Variants in TBCK observed in about 807,000 individuals in gnomAD.
The protein encoded by TBCK is TBC domain-containing protein kinase-like protein.
Under a neutral mutation model 113.4 loss-of-function variants are expected in TBCK, and 99 were observed. The ratio of observed to expected loss-of-function variants is 0.87; its 90% confidence interval spans 0.74 to 1.03. TBCK has a LOEUF of 1.03. Ranked by LOEUF, TBCK falls within the 50% of genes least tolerant of loss-of-function variation. The pLI is 0.00. For synonymous variants in TBCK, 369 were observed against 370.8 expected, an observed-to-expected ratio of 1.00 and a Z score of 0.05; for missense variants, 1,045 against 1,061.3, an observed-to-expected ratio of 0.98 and a Z score of 0.21.
Position 106,189,444 on chromosome 4 carries a change from G to C in TBCK, c.2059+4165C>G, listed in dbSNP as rs190378252. On this transcript the variant is annotated intron_variant, in intron 22 of 25. Transcript: ENST00000394708. ...TAATTAATTCTCAGCTTCAGGTAAA[G>C]TGGCATCAATCTTACAGGCTTGACA... is the stretch of plus-strand genomic sequence containing the variant. Among the ~76,000 whole-genome samples, 4 of 151,766 alleles carry C rather than the reference G, an allele frequency of 2.6e-5. No individual in the cohort carries two copies. In the East Asian group the frequency reaches 7.8e-4, roughly 30 times the overall value.
intron 25 of TBCK, among the ~76,000 whole-genome samples, chr4:106,087,780 T>C (rs1739687022): frequency 6.6e-6 from 1 of 152,070 alleles, no homozygotes; most frequent in African/African-American, 2.4e-5. Context: ...AACAGAGATC[T>C]CAGAAATAAT....
At chr4:106,275,155 C>T (rs538411517) in intron 3 of TBCK, among the ~76,000 whole-genome samples, 1 of 152,232 alleles carries the variant, frequency 6.6e-6, no homozygotes, top group East Asian at 1.9e-4. Context: ...AAGCAATTTA[C>T]ATATTCATTA....
intron 23 of TBCK, chr4:106,163,412 TC>T (rs1750013171): frequency 6.6e-6 from 1 of 152,278 alleles, no homozygotes; most frequent in African/African-American, 2.4e-5. Flanking sequence ...GTTATCCAGT[TC>T]CAAAATCACT....
rs925608652 is a variant in TBCK at position 106,214,533 on chromosome 4, G to A, written c.1775-1698C>T. 3.9e-5 allele frequency among the ~76,000 whole-genome samples: 6 copies of A among 151,994 alleles called. No homozygotes were observed. In the East Asian group the frequency reaches 1.2e-3, roughly 29 times the overall value. On this transcript the variant is annotated intron_variant, in intron 19 of 25. Transcript: ENST00000394708. ...AGAAGTGCTTAAAGGAGCTGATGGA[G>A]CTGAAAACCAAGGCTCGAGAACTAT...
At position 106,042,916 on chromosome 4, in the gene TBCK, A is replaced by C. The variant is rs1164023845; in HGVS notation, c.*3654T>G. 6.6e-6 allele frequency: 1 copy of C among 152,084 alleles called. No homozygotes were observed. The highest frequency in any genetic ancestry group is 1.9e-4 in the East Asian group (1 of 5,178). The allele number at this position is 152,084 out of a possible 1,614,324, so 9.4% of individuals were successfully genotyped here. A position where few individuals can be genotyped will look rare whatever the true frequency, so the allele number is the denominator to read the frequency against. ...GACAATCTCCTCTGTAGCTTCCCTA[A>C]TTTGGCGGGAAGTTATGTCTTGTCA... On this transcript the variant is annotated 3_prime_UTR_variant, in exon 26 of 26. Transcript: ENST00000394708.
At chr4:106,103,612 A>C (rs1741800251) in intron 24 of TBCK, among the ~76,000 whole-genome samples, 2 of 152,202 alleles carry the variant, frequency 1.3e-5, no homozygotes, top group South Asian at 4.1e-4. Flanking sequence ...TAACAACAGT[A>C]TATACAGCAT....
intron 6 of TBCK, chr4:106,251,057 G>T: frequency 4.0e-6 from 1 of 250,812 alleles, no homozygotes; most frequent in South Asian, 4.2e-5. Flanking sequence ...TTAGTATAAG[G>T]TCTGGAGTCA....
upstream of TBCK, chr4:106,316,594 T>A: frequency 1.3e-6 from 2 of 1,551,506 alleles, no homozygotes; most frequent in Non-Finnish European, 1.7e-6. Flanking sequence ...CTCCGCTTCA[T>A]GTGAGTGACG....
At chr4:106,263,374 T>C (rs1413119882) in intron 3 of TBCK, among the ~76,000 whole-genome samples, 1 of 151,832 alleles carries the variant, frequency 6.6e-6, no homozygotes, top group East Asian at 1.9e-4. Context: ...AATTCACCAA[T>C]TAAAACATAA....
At chr4:106,090,696 C>A (rs1740119754) in intron 25 of TBCK, among the ~76,000 whole-genome samples, 1 of 151,706 alleles carries the variant, frequency 6.6e-6, no homozygotes, top group Non-Finnish European at 1.5e-5. Context: ...TTTTTTTCTG[C>A]CAGGTATCTT....
chr4:106,113,986 G>A (rs1382237356), intron 24 of TBCK, among the ~76,000 whole-genome samples: 1 of 152,156 alleles, frequency 6.6e-6, no homozygotes, highest in Non-Finnish European at 1.5e-5. Context: ...ATTGGACTAA[G>A]ATGCCAAGTA....
Position 106,138,627 on chromosome 4 carries a change from G to C in TBCK, c.2236-22249C>G, listed in dbSNP as rs1317595889. The stretch of plus-strand genomic sequence containing the variant: ...GAACTCTAGTGTCACTGACTTATAA[G>C]GCAAAAACAGGGTCAAAGTGGCAAT... On this transcript the variant is annotated intron_variant, in intron 23 of 25. Coordinates refer to ENST00000394708, the MANE Select transcript of TBCK (RefSeq NM_001163435.3). Among the ~76,000 whole-genome samples, 2 of 141,236 alleles carry C rather than the reference G, an allele frequency of 1.4e-5. 1 individual carries two copies. The highest frequency in any genetic ancestry group is 4.0e-4 in the East Asian group (2 of 4,960). 92.7% of individuals were successfully genotyped at this position (141,236 alleles called of 152,430 possible). A position where few individuals can be genotyped will look rare whatever the true frequency, so the allele number is the denominator to read the frequency against.
chr4:106,294,257 G>A (rs536628506), intron 3 of TBCK, among the ~76,000 whole-genome samples: 5 of 150,692 alleles, frequency 3.3e-5, no homozygotes, highest in South Asian at 2.1e-4. Flanking sequence ...GTGGCGCATC[G>A]CGGCTCACCA....
intron 23 of TBCK, among the ~76,000 whole-genome samples, chr4:106,166,994 T>C (rs919698663): frequency 1.3e-4 from 20 of 150,662 alleles, no homozygotes; most frequent in African/African-American, 4.8e-4. Flanking sequence ...GTCTACCTAC[T>C]CTTAAACTAG....
rs534864426 is a variant in TBCK at position 106,096,292 on chromosome 4, C to T, written c.2412-651G>A. Among the ~76,000 whole-genome samples the T allele has an allele frequency of 3.5e-4, 53 of 152,168 alleles. No homozygotes were observed. In the South Asian group the frequency reaches 5.0e-3, roughly 14 times the overall value. On this transcript the variant is annotated intron_variant, in intron 24 of 25. Coordinates refer to ENST00000394708, the MANE Select transcript of TBCK (RefSeq NM_001163435.3). ...TCAGAATATAATTACTCTGATGGTA[C>T]TTTTTTAAAAAACTGAAAGTACTTT...
chr4:106,267,645 C>T (rs1763109426), intron 3 of TBCK, among the ~76,000 whole-genome samples: 1 of 151,908 alleles, frequency 6.6e-6, no homozygotes, highest in Non-Finnish European at 1.5e-5. Flanking sequence ...GAGAAAAACA[C>T]TATCACCACC....
intron 25 of TBCK, among the ~76,000 whole-genome samples, chr4:106,093,227 C>T (rs1284452687): frequency 6.6e-6 from 1 of 152,174 alleles, no homozygotes; most frequent in African/African-American, 2.4e-5. Context: ...TTAATCCTGG[C>T]CAGGTGCGGA....
At position 106,193,715 on chromosome 4, in the gene TBCK, A is replaced by G; in HGVS notation, c.1953T>C (p.Asn651=). 6.2e-7 allele frequency: 1 copy of G among 1,611,268 alleles called. No individual in the cohort carries two copies. The highest frequency in any genetic ancestry group is 8.5e-7 in the Non-Finnish European group (1 of 1,178,870). ...CTCCAATACAGAATGGGAAAGAGGA[A>G]TTCCCAAGTAGTAAGGTATCCCAGA... The part of the protein sequence containing the change: ...FHLWDTLLLG[N]SSFPFCIGVA... Residue 651 remains asparagine (N), a synonymous_variant, in exon 22 of 26, where the codon AAT becomes AAC. Coordinates refer to ENST00000394708, the MANE Select transcript of TBCK (RefSeq NM_001163435.3).
intron 23 of TBCK, among the ~76,000 whole-genome samples, chr4:106,126,626 A>C (rs537167470): frequency 7.2e-5 from 11 of 152,148 alleles, no homozygotes; most frequent in Non-Finnish European, 1.3e-4. Context: ...GCAACAAAAA[A>C]ACTCAATGGA....
Sources: gnomAD v4.1 joint callset for allele counts (sites outside exome capture counted in the v4.1 genomes callset) on GRCh38, gnomAD v4.1.1 for gene constraint, MANE v1.5 for transcripts, NCBI Gene and HGNC (gene_info 2026-07-23, HGNC 2026-07-21) for gene names.